Variants in CUBN observed in about 807,000 individuals in gnomAD.
CUBN encodes 460 kDa receptor.
Under a neutral mutation model 405.3 loss-of-function variants are expected in CUBN, and 282 were observed. The observed-to-expected ratio is 0.70, with a 90% CI of 0.63 to 0.77. The LOEUF is 0.77. Among genes scored for constraint, CUBN ranks in the 30% least tolerant of loss-of-function variants. CUBN has a pLI of 0.00. For missense variants in CUBN, 4,514 were observed against 4,475.2 expected (o/e 1.01, Z -0.25); for synonymous variants, 1,684 against 1,617.0 (o/e 1.04, Z -0.99).
At chr10:16,910,181 TC>T (rs1841685642) in intron 48 of CUBN, among the ~76,000 whole-genome samples, 1 of 151,798 alleles carries the variant, frequency 6.6e-6, no homozygotes, top group Non-Finnish European at 1.5e-5. Context: ...TCTTTTTTTC[TC>T]CTTCCCCTTC....
At chr10:17,114,244 G>T in intron 7 of CUBN, 55 bp from the exon 8 acceptor site, 1 of 1,567,330 alleles carries the variant, frequency 6.4e-7, no homozygotes, top group Non-Finnish European at 8.8e-7. Context: ...AGCAAGAAAA[G>T]CCTTTGAACA....
intron 24 of CUBN, among the ~76,000 whole-genome samples, chr10:17,045,583 C>T (rs1014943176): frequency 6.6e-6 from 1 of 151,876 alleles, no homozygotes; most frequent in African/African-American, 2.4e-5. Context: ...TTAGTAGAGA[C>T]TATGTTGGCC....
chr10:16,926,218 G>T (rs1842185012), intron 41 of CUBN, among the ~76,000 whole-genome samples: 1 of 152,176 alleles, frequency 6.6e-6, no homozygotes. Flanking sequence ...AAGCCAGATA[G>T]TTATGGGGGA....
intron 54 of CUBN, among the ~76,000 whole-genome samples, chr10:16,892,340 G>A (rs915086205): frequency 2.0e-5 from 3 of 151,246 alleles, no homozygotes; most frequent in African/African-American, 7.3e-5. Context: ...AAAATGTCAG[G>A]AAAAAAAATG....
chr10:17,110,902 T>C lies in CUBN; in HGVS notation c.1015+17A>G, dbSNP rs200154949. Reference sequence around the variant, plus strand: ...CTGTGCTGGGGTCAGGAGGTTGACATTGAACCGAGGCAGCACCTGGTGGAC... The same window carrying C: ...CTGTGCTGGGGTCAGGAGGTTGACACTGAACCGAGGCAGCACCTGGTGGAC... On this transcript the variant is annotated intron_variant, in intron 9 of 66. Transcript: ENST00000377833. 2.5e-6 allele frequency: 4 copies of C among 1,614,172 alleles called. No individual in the cohort carries two copies. Among genetic ancestry groups the C allele is most frequent in the African/African-American group, 1.3e-5 (1 of 75,028 alleles).
chr10:17,058,175 C>T (rs1257009226), intron 22 of CUBN, among the ~76,000 whole-genome samples: 4 of 151,922 alleles, frequency 2.6e-5, no homozygotes, highest in Non-Finnish European at 5.9e-5. Context: ...CTGTTCACAG[C>T]TGCCTTTTGC....
intron 45 of CUBN, among the ~76,000 whole-genome samples, chr10:16,916,605 G>C (rs1336758950): frequency 6.6e-6 from 1 of 152,078 alleles, no homozygotes; most frequent in African/African-American, 2.4e-5. Context: ...GATATAACAC[G>C]ATCTATGGTG....
chr10:16,915,281 C>T, intron 46 of CUBN, 109 bp from the exon 47 acceptor site: 1 of 1,303,214 alleles, frequency 7.7e-7, no homozygotes, highest in South Asian at 1.2e-5. Flanking sequence ...CAAGACCCTG[C>T]CTATGAAGAA....
At chr10:16,850,525 G>A (rs1839654499) in intron 60 of CUBN, among the ~76,000 whole-genome samples, 2 of 152,118 alleles carry the variant, frequency 1.3e-5, no homozygotes, top group East Asian at 1.9e-4. Context: ...AGGCTAGAGT[G>A]CAGTGGCGAG....
At chr10:16,876,066 A>G (rs1008362581) in intron 57 of CUBN, among the ~76,000 whole-genome samples, 3 of 152,220 alleles carry the variant, frequency 2.0e-5, no homozygotes, top group Admixed American at 1.3e-4. Context: ...TCAGAAGTAA[A>G]TACATGTTTT....
At chr10:16,947,982 T>C (rs374447457) in intron 35 of CUBN, among the ~76,000 whole-genome samples, 16 of 152,288 alleles carry the variant, frequency 1.1e-4, no homozygotes, top group Admixed American at 3.3e-4. Flanking sequence ...AGGCCGAGGC[T>C]GGTGGATCAC....
chr10:17,058,431 C>T (rs369346109), intron 22 of CUBN, among the ~76,000 whole-genome samples: 1 of 152,086 alleles, frequency 6.6e-6, no homozygotes, highest in South Asian at 2.1e-4. Context: ...AGACAGGTTG[C>T]ACTCTCTAGA....
chr10:17,115,169 G>A (rs906109224), intron 7 of CUBN, among the ~76,000 whole-genome samples: 22 of 150,896 alleles, frequency 1.5e-4, no homozygotes, highest in African/African-American at 4.4e-4. Context: ...GCTTGAACCT[G>A]GGAGGTGAAG....
rs775307487 is a variant in CUBN at position 16,906,301 on chromosome 10, T to C, written c.7814A>G (p.Asn2605Ser). Residue 2605 changes from asparagine to serine, a missense_variant, in exon 50 of 67, where the codon AAT (asparagine) becomes AGT (serine). Transcript: ENST00000377833. ...RNLNCEWTLS[N>S]PNQGNSSISI... ...AATGGATGAATTTCCCTGATTTGGATTGCTGAGAGTCCATTCGCAGTTCAG... is the reference window on the plus strand; with the variant it reads ...AATGGATGAATTTCCCTGATTTGGACTGCTGAGAGTCCATTCGCAGTTCAG... 9 of 1,613,726 alleles carry C rather than the reference T, an allele frequency of 5.6e-6. No individual in the cohort carries two copies. The African/African-American group carries it at 1.1e-4, about 19-fold the overall frequency.
At position 16,940,118 on chromosome 10, in the gene CUBN, G is replaced by T; in HGVS notation, c.5462C>A (p.Ser1821Tyr). The T allele has an allele frequency of 6.2e-7, 1 of 1,614,136 alleles. No individual in the cohort carries two copies. The highest frequency in any genetic ancestry group is 8.5e-7 in the Non-Finnish European group (1 of 1,179,998). The change falls in exon 37 of 67, where the codon TCT (serine) becomes TAT (tyrosine). Residue 1821 changes from serine (S) to tyrosine (Y), a missense_variant. Physicochemically the swap from Ser to Tyr is moderately radical, Grantham distance 144 (BLOSUM62 -2). This residue lies in a region of CUBN where 1,613 missense variants were observed against 1,542.8 expected (regional missense o/e 1.05). Coordinates refer to ENST00000377833, the MANE Select transcript of CUBN (RefSeq NM_001081.4). ...CCACAGGGTATGTCCAACGATGGAAGAATAATTGAGAGGGAAGGAGTTTCC... is the reference window on the plus strand; with the variant it reads ...CCACAGGGTATGTCCAACGATGGAATAATAATTGAGAGGGAAGGAGTTTCC... ...YCGNSFPLNY[S>Y]SIVGHTLWVR...
rs776683073 is a variant in CUBN, at chr10:17,041,119, G to C, written c.3931C>G (p.Arg1311Gly). 1.2e-6 allele frequency: 2 copies of C among 1,613,308 alleles called. No homozygotes were observed. Among genetic ancestry groups the C allele is most frequent in the Admixed American group, 3.3e-5 (2 of 59,946 alleles). ...SENQHCNWTI[R>G]ATTGNTVNYT... The stretch of plus-strand genomic sequence containing the variant: ...TTCACAGTGTTGCCTGTTGTTGCCC[G>C]GATGGTCCAGTTGCAATGCTGATTT... Residue 1311 changes from arginine to glycine, a missense_variant, in exon 27 of 67, where the codon CGG becomes GGG. This residue lies in a region of CUBN where 242 missense variants were observed against 309.0 expected (regional missense o/e 0.78). Transcript: ENST00000377833.
chr10:17,010,043 C>T (rs10904863), intron 28 of CUBN, among the ~76,000 whole-genome samples: 60,290 of 152,020 alleles, frequency 0.4, 12,250 homozygotes, highest in East Asian at 0.58. Context: ...CAGCATTACC[C>T]GGGAGCTTGT....
intron 27 of CUBN, among the ~76,000 whole-genome samples, chr10:17,028,951 CCTGT>C (rs1834732345): frequency 6.6e-6 from 1 of 152,272 alleles, no homozygotes; most frequent in South Asian, 2.1e-4. Flanking sequence ...ATACCATGAG[CCTGT>C]CTGATAGTGG....
chr10:17,034,907 G>A (rs867455971), intron 27 of CUBN, among the ~76,000 whole-genome samples: 1 of 152,034 alleles, frequency 6.6e-6, no homozygotes, highest in African/African-American at 2.4e-5. Context: ...GAAGAGAAGT[G>A]CAACTCTGGA....
Sources: gnomAD v4.1 joint callset for allele counts (sites outside exome capture counted in the v4.1 genomes callset) on GRCh38, gnomAD v4.1.1 for gene constraint, gnomAD v4.1.1 regional missense constraint, MANE v1.5 for transcripts, NCBI Gene and HGNC (gene_info 2026-07-23, HGNC 2026-07-21) for gene names.